The following KCTD16 variants were observed in gnomAD, a reference collection of about 807,000 sequenced individuals.
The protein encoded by KCTD16 is potassium channel tetramerization domain containing 16.
Under a neutral mutation model 33.2 loss-of-function variants are expected in KCTD16, and 13 were observed. That is an observed-to-expected ratio of 0.39 (90% CI 0.25 to 0.62). KCTD16 has a LOEUF of 0.62. KCTD16 is among the 20% of genes least tolerant of loss of function. The pLI is 0.50. For missense variants in KCTD16, 441 were observed against 525.1 expected (o/e 0.84, Z 1.57); for synonymous variants, 197 against 195.3 (o/e 1.01, Z -0.07).
chr5:144,341,463 G>A (rs1028410735), intron 3 of KCTD16, among the ~76,000 whole-genome samples: 3 of 152,110 alleles, frequency 2.0e-5, no homozygotes, highest in Admixed American at 6.5e-5. Context: ...CCTCTCTATT[G>A]TGAATCTGAA....
chr5:144,431,025 G>T (rs144947501), intron 3 of KCTD16, among the ~76,000 whole-genome samples: 2 of 152,020 alleles, frequency 1.3e-5, no homozygotes, highest in East Asian at 3.9e-4. Context: ...AAGACCAAAC[G>T]TATAGCCCCA....
chr5:144,208,890 G>A (rs1480726501), intron 3 of KCTD16, among the ~76,000 whole-genome samples: 2 of 152,170 alleles, frequency 1.3e-5, no homozygotes, highest in African/African-American at 2.4e-5. Flanking sequence ...CCTATCTGTG[G>A]CCTTTATCTA....
intron 3 of KCTD16, among the ~76,000 whole-genome samples, chr5:144,311,418 T>C (rs540463859): frequency 6.6e-6 from 1 of 152,256 alleles, no homozygotes; most frequent in Admixed American, 6.5e-5. Flanking sequence ...TTAAAATTTG[T>C]CCAACTTTTG....
At chr5:144,242,572 A>G (rs998799564) in intron 3 of KCTD16, among the ~76,000 whole-genome samples, 8 of 152,174 alleles carry the variant, frequency 5.3e-5, no homozygotes, top group Non-Finnish European at 1.0e-4. Flanking sequence ...TTGTGTTGCT[A>G]TAAAGAAATA....
At chr5:144,187,654 A>G (rs1183062412) in intron 2 of KCTD16, among the ~76,000 whole-genome samples, 8 of 152,256 alleles carry the variant, frequency 5.3e-5, no homozygotes, top group Admixed American at 5.2e-4. Flanking sequence ...TTAATTGCTT[A>G]ATTGTTTATT....
At chr5:144,367,871 TG>T (rs1751874338) in intron 3 of KCTD16, among the ~76,000 whole-genome samples, 1 of 150,362 alleles carries the variant, frequency 6.7e-6, no homozygotes. Flanking sequence ...GAGTACCTGA[TG>T]TTTAGTTCCC....
intron 3 of KCTD16, among the ~76,000 whole-genome samples, chr5:144,463,134 G>C (rs531328195): frequency 6.6e-6 from 1 of 152,078 alleles, no homozygotes; most frequent in Non-Finnish European, 1.5e-5. Flanking sequence ...TTATGGACTT[G>C]TGCATCAGTG....
chr5:144,416,095 A>G (rs1580945374), intron 3 of KCTD16, among the ~76,000 whole-genome samples: 2 of 152,176 alleles, frequency 1.3e-5, no homozygotes, highest in African/African-American at 4.8e-5. Context: ...AATTCTCACA[A>G]TAACTCTACA....
intron 2 of KCTD16, among the ~76,000 whole-genome samples, chr5:144,190,209 C>A (rs978314147): frequency 1.3e-5 from 2 of 152,182 alleles, no homozygotes; most frequent in Non-Finnish European, 2.9e-5. Flanking sequence ...TCTTACTAGA[C>A]TATGAGCAAT....
At chr5:144,408,384 G>A (rs1388677207) in intron 3 of KCTD16, among the ~76,000 whole-genome samples, 3 of 152,194 alleles carry the variant, frequency 2.0e-5, no homozygotes, top group African/African-American at 4.8e-5. Flanking sequence ...CACAGTTACG[G>A]TTTAAGCACT....
rs1382375128 is a variant in KCTD16 at position 144,481,542 on chromosome 5, T to C, written c.*7428T>C. On this transcript the variant is annotated 3_prime_UTR_variant, in exon 4 of 4. Coordinates refer to ENST00000512467, the MANE Select transcript of KCTD16 (RefSeq NM_020768.4). ...AGAACACAATTTGTGTCTGAAATGA[T>C]TTGACATTTTTCTTTTAATGTATCA... 1 of 151,982 alleles carries C rather than the reference T, an allele frequency of 6.6e-6. No individual in the cohort carries two copies. The highest frequency in any genetic ancestry group is 1.5e-5 in the Non-Finnish European group (1 of 67,934). 9.4% of individuals were successfully genotyped at this position (151,982 alleles called of 1,614,324 possible).
At chr5:144,197,299 A>G (rs1752957375) in intron 2 of KCTD16, among the ~76,000 whole-genome samples, 1 of 152,178 alleles carries the variant, frequency 6.6e-6, no homozygotes, top group Non-Finnish European at 1.5e-5. Flanking sequence ...ATAAACATAT[A>G]TATTACTTAT....
chr5:144,235,017 T>C (rs946950109), intron 3 of KCTD16, among the ~76,000 whole-genome samples: 1 of 152,008 alleles, frequency 6.6e-6, no homozygotes, highest in Non-Finnish European at 1.5e-5. Context: ...CAATAAGCAA[T>C]AAATAAATAA....
At chr5:144,215,172 C>T (rs1008800343) in intron 3 of KCTD16, among the ~76,000 whole-genome samples, 16 of 152,144 alleles carry the variant, frequency 1.1e-4, no homozygotes, top group African/African-American at 1.9e-4. Flanking sequence ...TTCGCACCTG[C>T]GCAAAGATTC....
chr5:144,458,547 AAAAAG>A, intron 3 of KCTD16, among the ~76,000 whole-genome samples: 1 of 152,320 alleles, frequency 6.6e-6, no homozygotes, highest in African/African-American at 2.4e-5. Flanking sequence ...GTTGTTTAGA[AAAAAG>A]AAAAGAAAAG....
At chr5:144,286,080 T>G (rs1755738001) in intron 3 of KCTD16, among the ~76,000 whole-genome samples, 1 of 152,104 alleles carries the variant, frequency 6.6e-6, no homozygotes, top group South Asian at 2.1e-4. Context: ...CAGAATTTAT[T>G]TGATCTGAAA....
intron 3 of KCTD16, among the ~76,000 whole-genome samples, chr5:144,426,254 A>C (rs1448921623): frequency 1.3e-5 from 2 of 152,168 alleles, no homozygotes; most frequent in African/African-American, 4.8e-5. Context: ...GATGGCTTTT[A>C]TTCCAGTTTC....
chr5:144,377,606 T>C (rs150531750), intron 3 of KCTD16: 1 of 152,290 alleles, frequency 6.6e-6, no homozygotes, highest in East Asian at 1.9e-4. Context: ...CATTTAAAAC[T>C]CTGGGTTGAA....
chr5:144,405,755 T>C (rs1752797359), intron 3 of KCTD16, among the ~76,000 whole-genome samples: 2 of 152,190 alleles, frequency 1.3e-5, no homozygotes, highest in Non-Finnish European at 2.9e-5. Context: ...CAAACAGCTA[T>C]GTTTTTCAGA....
Sources: gnomAD v4.1 joint callset for allele counts (sites outside exome capture counted in the v4.1 genomes callset) on GRCh38, gnomAD v4.1.1 for gene constraint, MANE v1.5 for transcripts, NCBI Gene and HGNC (gene_info 2026-07-23, HGNC 2026-07-21) for gene names.